MYT1L: variants seen among roughly 807,000 people sequenced by gnomAD.
MYT1L encodes myelin transcription factor 1 like, also known as myelin transcription factor 1-like protein.
MYT1L carries 12 observed loss-of-function variants against 126.7 expected under a neutral mutation model. That is an observed-to-expected ratio of 0.09 (90% confidence interval 0.06 to 0.15). The LOEUF is 0.15. MYT1L is among the 10% of genes least tolerant of loss of function. The pLI is 1.00. For synonymous variants in MYT1L, 541 were observed against 604.2 expected, an observed-to-expected ratio of 0.90 and a Z score of 1.53; for missense variants, 979 against 1,585.2, an observed-to-expected ratio of 0.62 and a Z score of 6.49.
chr2:2,092,569 G>A (rs1377351676), intron 3 of MYT1L, among the ~76,000 whole-genome samples: 2 of 152,186 alleles, frequency 1.3e-5, no homozygotes. Context: ...GATTGACGCA[G>A]GGTTGTCACA....
chr2:2,281,829 G>C (rs1274086770), intron 2 of MYT1L, among the ~76,000 whole-genome samples: 2 of 152,132 alleles, frequency 1.3e-5, no homozygotes, highest in Non-Finnish European at 2.9e-5. Flanking sequence ...GCAAACCCTT[G>C]ACACAATCCA....
intron 2 of MYT1L, among the ~76,000 whole-genome samples, chr2:2,268,610 G>C (rs938973102): frequency 6.6e-6 from 1 of 152,020 alleles, no homozygotes; most frequent in African/African-American, 2.4e-5. Flanking sequence ...AGAAATCAAT[G>C]GTAAGAAAGT....
At chr2:2,061,319 A>C (rs1023024243) in intron 3 of MYT1L, among the ~76,000 whole-genome samples, 2 of 152,186 alleles carry the variant, frequency 1.3e-5, no homozygotes, top group African/African-American at 4.8e-5. Flanking sequence ...GGTTGCCAGC[A>C]CAGGGGCTTA....
At chr2:2,316,282 C>T (rs763542287) in intron 1 of MYT1L, among the ~76,000 whole-genome samples, 2 of 152,132 alleles carry the variant, frequency 1.3e-5, no homozygotes, top group Admixed American at 6.5e-5. Context: ...AACATGCCAT[C>T]GGCTACCATG....
chr2:1,946,913 T>G lies in MYT1L; in HGVS notation c.153-3579A>C, dbSNP rs190679406. Among the ~76,000 whole-genome samples, 678 of 152,266 alleles carry G rather than the reference T, an allele frequency of 4.5e-3. 7 individuals carry two copies. Among genetic ancestry groups the G allele is most frequent in the African/African-American group, 0.015 (626 of 41,558 alleles). On this transcript the variant is annotated intron_variant, in intron 8 of 24. Transcript: ENST00000647738. ...GAGTAGACTTGTTCTGGTGGATACCTTCTGTGTTTGTTCAGTTAGCAGATA... is the reference window on the plus strand; with the variant it reads ...GAGTAGACTTGTTCTGGTGGATACCGTCTGTGTTTGTTCAGTTAGCAGATA...
rs550379742 is a variant in MYT1L, at chr2:2,228,215, T to C, written c.-420-55227A>G. Reference sequence around the variant, plus strand: ...GGGTGATTCTGTAATATACATTTTGTATCAGGTTTGAATATCTGATAAAGT... The same window carrying C: ...GGGTGATTCTGTAATATACATTTTGCATCAGGTTTGAATATCTGATAAAGT... On this transcript the variant is annotated intron_variant, in intron 2 of 24. Coordinates refer to ENST00000647738, the MANE Select transcript of MYT1L (RefSeq NM_001303052.2). The surrounding 1 kb of genome is among the most constrained non-coding windows in gnomAD (Gnocchi z 5.9). Among the ~76,000 whole-genome samples the C allele has an allele frequency of 1.2e-4, 18 of 152,344 alleles. No homozygotes were observed. The South Asian group carries it at 2.3e-3, about 19-fold the overall frequency.
At position 1,929,685 on chromosome 2, in the gene MYT1L, T is replaced by C. The variant is rs953980045; in HGVS notation, c.506-6422A>G. ...CCACTAGTCTTATTCATCTTGAGTA[T>C]AGATTAGCACAGACATTTTCTCCAG... On this transcript the variant is annotated intron_variant, in intron 9 of 24. Coordinates refer to ENST00000647738, the MANE Select transcript of MYT1L (RefSeq NM_001303052.2). This position sits in a 1 kb window ranked among gnomAD's most constrained non-coding sequence, Gnocchi z 4.7. 3.3e-5 allele frequency among the ~76,000 whole-genome samples: 5 copies of C among 152,384 alleles called. No individual in the cohort carries two copies. Among genetic ancestry groups the C allele is most frequent in the South Asian group, 2.1e-4 (1 of 4,834 alleles).
At chr2:1,983,280 T>C (rs1036708965) in intron 5 of MYT1L, among the ~76,000 whole-genome samples, 2 of 152,196 alleles carry the variant, frequency 1.3e-5, no homozygotes, top group African/African-American at 4.8e-5. Context: ...CAGGAGATAA[T>C]TTATGAAAGA....
At chr2:2,027,085 G>C (rs1258684906) in intron 4 of MYT1L, among the ~76,000 whole-genome samples, 2 of 152,196 alleles carry the variant, frequency 1.3e-5, no homozygotes, top group Non-Finnish European at 2.9e-5. Flanking sequence ...AGAGAGATGA[G>C]CCGTGCACAG....
intron 22 of MYT1L, among the ~76,000 whole-genome samples, chr2:1,803,792 A>G (rs1421634519): frequency 6.6e-6 from 1 of 152,122 alleles, no homozygotes; most frequent in Non-Finnish European, 1.5e-5. Flanking sequence ...GAGACAGGGA[A>G]ACGGTGCCAG....
At chr2:2,318,321 G>T (rs2096102685) in intron 1 of MYT1L, among the ~76,000 whole-genome samples, 1 of 152,110 alleles carries the variant, frequency 6.6e-6, no homozygotes, top group Non-Finnish European at 1.5e-5. Context: ...ATAAAAATGA[G>T]ATGTTACCTG....
At chr2:1,863,532 C>A (rs536322208) in intron 18 of MYT1L, among the ~76,000 whole-genome samples, 66 of 140,126 alleles carry the variant, frequency 4.7e-4, no homozygotes, top group Non-Finnish European at 8.6e-4. Flanking sequence ...GTGACAGCCA[C>A]GCTTGCAGAG....
intron 4 of MYT1L, among the ~76,000 whole-genome samples, chr2:2,032,941 G>T (rs1452145422): frequency 3.5e-5 from 5 of 144,444 alleles, no homozygotes; most frequent in Non-Finnish European, 6.0e-5. Flanking sequence ...CCTCGCCAGT[G>T]CCTCTCACCC....
intron 3 of MYT1L, among the ~76,000 whole-genome samples, chr2:2,110,983 C>G (rs553482504): frequency 2.0e-5 from 3 of 152,312 alleles, no homozygotes; most frequent in African/African-American, 7.2e-5. Context: ...CACCCCAGCA[C>G]AGCCAGCTAT....
At chr2:2,023,474 G>A (rs1319974944) in intron 4 of MYT1L, among the ~76,000 whole-genome samples, 1 of 152,192 alleles carries the variant, frequency 6.6e-6, no homozygotes, top group African/African-American at 2.4e-5. Flanking sequence ...TCCACTTCAG[G>A]AGGCTGGCAT....
intron 9 of MYT1L, among the ~76,000 whole-genome samples, chr2:1,936,268 T>G (rs926074125): frequency 6.6e-6 from 1 of 152,260 alleles, no homozygotes; most frequent in Non-Finnish European, 1.5e-5. Flanking sequence ...TACAGCCAGA[T>G]TTTTGCTTTG....
At chr2:2,005,583 C>A (rs369419277) in intron 4 of MYT1L, among the ~76,000 whole-genome samples, 2 of 151,168 alleles carry the variant, frequency 1.3e-5, no homozygotes, top group Admixed American at 1.3e-4. Flanking sequence ...TGCATGCATT[C>A]TTTCCTGCAG....
rs142605667 is a variant in MYT1L at position 1,790,398 on chromosome 2, G to A, written c.*1469C>T. On this transcript the variant is annotated 3_prime_UTR_variant, in exon 25 of 25. Coordinates refer to ENST00000647738, the MANE Select transcript of MYT1L (RefSeq NM_001303052.2). ...GACTACTCAGAAGGGGGAACACAGC[G>A]CTCAAAAGTGGTCTTATGCATACAT... is the stretch of plus-strand genomic sequence containing the variant. 2.0e-5 allele frequency: 3 copies of A among 152,302 alleles called. No individual in the cohort carries two copies. Among genetic ancestry groups the A allele is most frequent in the Non-Finnish European group, 4.4e-5 (3 of 68,032 alleles). The allele number at this position is 152,302 out of a possible 1,614,324, so 9.4% of individuals were successfully genotyped here. A position where few individuals can be genotyped will look rare whatever the true frequency, so the allele number is the denominator to read the frequency against.
chr2:1,860,388 G>A (rs1017281299), intron 18 of MYT1L, among the ~76,000 whole-genome samples: 3 of 152,142 alleles, frequency 2.0e-5, no homozygotes, highest in Non-Finnish European at 2.9e-5. Context: ...TCGCCCTCGC[G>A]TGGAAGAGTG....
Sources: gnomAD v4.1 joint callset for allele counts (sites outside exome capture counted in the v4.1 genomes callset) on GRCh38, gnomAD v4.1.1 for gene constraint, Gnocchi (gnomAD v3.1) non-coding constraint, MANE v1.5 for transcripts, NCBI Gene and HGNC (gene_info 2026-07-23, HGNC 2026-07-21) for gene names.